Variants in CUL4A observed in about 807,000 individuals in gnomAD.
The protein encoded by CUL4A is cullin-4A.
In CUL4A, 16 loss-of-function variants were observed where a neutral mutation model predicts 95.5. That is an observed-to-expected ratio of 0.17 (90% CI 0.11 to 0.25). The LOEUF (loss-of-function observed/expected upper bound fraction) is 0.25. Among genes scored for constraint, CUL4A ranks in the 10% least tolerant of loss-of-function variants. The pLI, the probability that CUL4A is intolerant of heterozygous loss-of-function variation, is 1.00. For missense variants in CUL4A, 610 were observed against 937.0 expected (o/e 0.65, Z 4.56); for synonymous variants, 380 against 353.1 (o/e 1.08, Z -0.85).
intron 10 of CUL4A, 87 bp from the exon 11 acceptor site, chr13:113,242,881 A>T: frequency 9.5e-7 from 1 of 1,054,396 alleles, no homozygotes; most frequent in Non-Finnish European, 1.4e-6. Flanking sequence ...AATTTATGTT[A>T]AACTATCCTG....
rs368060073 is a variant in CUL4A at position 113,218,002 on chromosome 13, C to T, written c.265-943C>T. On this transcript the variant is annotated intron_variant, in intron 2 of 19. Transcript: ENST00000375440. Reference sequence around the variant, plus strand: ...CTGTAATCCCAGCACTGTGGGAGGCCGAGGCGGACAAATCACCTGAGGTCA... The same window carrying T: ...CTGTAATCCCAGCACTGTGGGAGGCTGAGGCGGACAAATCACCTGAGGTCA... Among the ~76,000 whole-genome samples, 289 of 152,290 alleles carry T rather than the reference C, an allele frequency of 1.9e-3. 4 individuals are homozygous for T. Among genetic ancestry groups the T allele is most frequent in the South Asian group, 0.015 (74 of 4,834 alleles).
chr13:113,228,705 C>G (rs962838142), intron 4 of CUL4A, among the ~76,000 whole-genome samples: 2 of 152,038 alleles, frequency 1.3e-5, no homozygotes, highest in Admixed American at 1.3e-4. Flanking sequence ...ATCCCTCACT[C>G]TGCTCGCAAC....
rs1566353871 is a variant in CUL4A, at chr13:113,239,524, G to C, written c.1008G>C (p.Leu336=). The part of the protein sequence containing the change: ...FSRVRGGQQA[L]LQHWSEYIKT... ...GGGTGAGGGGCGGGCAGCAGGCGCTGCTGCAGCACTGGAGCGAGTACATCA... is the reference window on the plus strand; with the variant it reads ...GGGTGAGGGGCGGGCAGCAGGCGCTCCTGCAGCACTGGAGCGAGTACATCA... Residue 336 remains leucine (L), a synonymous_variant, in exon 10 of 20, where the codon CTG becomes CTC. Coordinates refer to ENST00000375440, the MANE Select transcript of CUL4A (RefSeq NM_001008895.4). 1.2e-6 allele frequency: 2 copies of C among 1,613,556 alleles called. No homozygotes were observed. The highest frequency in any genetic ancestry group is 1.7e-6 in the Non-Finnish European group (2 of 1,179,784).
At chr13:113,225,240 A>G (rs1233115584) in intron 3 of CUL4A, among the ~76,000 whole-genome samples, 1 of 152,170 alleles carries the variant, frequency 6.6e-6, no homozygotes, top group African/African-American at 2.4e-5. Context: ...CACTATTGAC[A>G]GACTCACGGT....
intron 18 of CUL4A, among the ~76,000 whole-genome samples, chr13:113,260,187 G>A (rs1227893789): frequency 1.2e-4 from 1 of 8,104 alleles, no homozygotes; most frequent in Non-Finnish European, 2.5e-4. Flanking sequence ...CTGGGTGACA[G>A]AGTGAGACTC....
At chr13:113,255,766 C>T (rs972968055) in intron 18 of CUL4A, among the ~76,000 whole-genome samples, 9 of 152,298 alleles carry the variant, frequency 5.9e-5, no homozygotes, top group Admixed American at 2.6e-4. Flanking sequence ...AAGGATTCTC[C>T]GTTGTCTGGA....
At chr13:113,226,424 T>A (rs762324738) in intron 3 of CUL4A, among the ~76,000 whole-genome samples, 5 of 152,226 alleles carry the variant, frequency 3.3e-5, no homozygotes, top group Non-Finnish European at 5.9e-5. Context: ...AAGGGAACAA[T>A]GTCTGCACCA....
chr13:113,240,630 T>G (rs1417076153), intron 10 of CUL4A, among the ~76,000 whole-genome samples: 1 of 152,184 alleles, frequency 6.6e-6, no homozygotes. Context: ...TCACAGATAC[T>G]TAACGTGTTA....
chr13:113,210,417 C>T (rs1393579777), intron 2 of CUL4A, among the ~76,000 whole-genome samples: 1 of 152,232 alleles, frequency 6.6e-6, no homozygotes, highest in Non-Finnish European at 1.5e-5. Context: ...AAACTCATGA[C>T]TGTGTCACTT....
In CUL4A at chr13:113,246,763, G is replaced by T. The variant is rs1010046415; in HGVS notation, c.1638+700G>T. Among the ~76,000 whole-genome samples the T allele has an allele frequency of 4.6e-5, 7 of 152,300 alleles. No homozygotes were observed. In the South Asian group the frequency reaches 1.5e-3, roughly 32 times the overall value. On this transcript the variant is annotated intron_variant, in intron 15 of 19. Coordinates refer to ENST00000375440, the MANE Select transcript of CUL4A (RefSeq NM_001008895.4). The stretch of plus-strand genomic sequence containing the variant: ...TTTAACAAAAGACAAATTAGGAGGA[G>T]AAAACCTTAACAAATTTATTTAATC...
intron 7 of CUL4A, 136 bp from the exon 8 acceptor site, chr13:113,234,917 CTCCCTGTTAA>C (rs1424309132): frequency 4.9e-6 from 3 of 610,250 alleles, no homozygotes; most frequent in Non-Finnish European, 8.8e-6. Context: ...CTACCTCTCC[CTCCCTGTTAA>C]TCTGTGTTAA....
chr13:113,234,565 C>T (rs187052386), intron 7 of CUL4A, among the ~76,000 whole-genome samples: 3 of 152,334 alleles, frequency 2.0e-5, no homozygotes, highest in African/African-American at 7.2e-5. Flanking sequence ...GCTGCAGCTA[C>T]CCCAGCAGAG....
At chr13:113,244,287 G>GT in intron 11 of CUL4A, 123 bp from the exon 12 acceptor site, 2 of 697,142 alleles carry the variant, frequency 2.9e-6, no homozygotes, top group Non-Finnish European at 4.8e-6. Context: ...TCAGATATTT[G>GT]TTTTTTTGTC....
At chr13:113,235,963 T>A in intron 8 of CUL4A, among the ~76,000 whole-genome samples, 1 of 135,482 alleles carries the variant, frequency 7.4e-6, no homozygotes, top group East Asian at 2.2e-4. Context: ...AGAGCGAGAC[T>A]CCGTCTCAAA....
At chr13:113,209,584 G>A (rs1480665217), upstream of CUL4A, 1 of 976,216 alleles carries the variant, frequency 1.0e-6, no homozygotes, top group Non-Finnish European at 1.2e-6. Context: ...GGAGCTCGGC[G>A]GGCGGCGGCG....
At chr13:113,229,642 C>A in intron 5 of CUL4A, 123 bp downstream of exon 5, 1 of 781,340 alleles carries the variant, frequency 1.3e-6, no homozygotes, top group Non-Finnish European at 2.1e-6. Flanking sequence ...CTTTCTTCAG[C>A]CAAAATCATT....
At chr13:113,230,802 A>G (rs1273045213) in intron 5 of CUL4A, among the ~76,000 whole-genome samples, 1 of 152,016 alleles carries the variant, frequency 6.6e-6, no homozygotes, top group African/African-American at 2.4e-5. Context: ...ACAGGGTCTC[A>G]CTCTGTTACC....
chr13:113,220,099 A>G (rs2040843129), intron 3 of CUL4A, among the ~76,000 whole-genome samples: 1 of 152,186 alleles, frequency 6.6e-6, no homozygotes. Flanking sequence ...CTTCTAGTTC[A>G]AGGAAACTTC....
At chr13:113,242,643 A>G (rs1305817546) in intron 10 of CUL4A, among the ~76,000 whole-genome samples, 1 of 152,112 alleles carries the variant, frequency 6.6e-6, no homozygotes, top group Admixed American at 6.5e-5. Context: ...AAGATGGGCC[A>G]GATGTGGTGG....
Sources: gnomAD v4.1 joint callset for allele counts (sites outside exome capture counted in the v4.1 genomes callset) on GRCh38, gnomAD v4.1.1 for gene constraint, MANE v1.5 for transcripts, NCBI Gene and HGNC (gene_info 2026-07-23, HGNC 2026-07-21) for gene names.